The following PRKCA variants were observed in gnomAD, a reference collection of about 807,000 sequenced individuals.
PRKCA encodes the protein protein kinase C alpha type.
In PRKCA, 27 loss-of-function variants were observed where a neutral mutation model predicts 87.0. The ratio of observed to expected loss-of-function variants is 0.31; its 90% CI spans 0.23 to 0.43. PRKCA has a LOEUF of 0.43. PRKCA is among the 20% of genes least tolerant of loss of function. The pLI is 1.00. For missense variants in PRKCA, 518 were observed against 852.3 expected (o/e 0.61, Z 4.88); for synonymous variants, 329 against 311.1 (o/e 1.06, Z -0.61).
At chr17:66,756,201 G>A (rs955204692) in intron 13 of PRKCA, among the ~76,000 whole-genome samples, 2 of 152,170 alleles carry the variant, frequency 1.3e-5, no homozygotes, top group Admixed American at 6.5e-5. Flanking sequence ...AAATATGCCA[G>A]AGCATCCCGT....
intron 3 of PRKCA, among the ~76,000 whole-genome samples, chr17:66,529,459 A>G (rs1178548769): frequency 6.6e-6 from 1 of 152,146 alleles, no homozygotes; most frequent in Non-Finnish European, 1.5e-5. Context: ...TCATGAAGCC[A>G]CTGGTAAGGG....
intron 3 of PRKCA, among the ~76,000 whole-genome samples, chr17:66,536,386 C>A (rs1327914591): frequency 6.6e-6 from 1 of 152,166 alleles, no homozygotes; most frequent in Non-Finnish European, 1.5e-5. Context: ...CCACAGAAAA[C>A]ACACAAGATT....
At chr17:66,538,725 T>C (rs1967875820) in intron 3 of PRKCA, among the ~76,000 whole-genome samples, 1 of 152,208 alleles carries the variant, frequency 6.6e-6, no homozygotes, top group African/African-American at 2.4e-5. Context: ...GTTCCAGTGA[T>C]GGGCATTAGT....
intron 3 of PRKCA, among the ~76,000 whole-genome samples, chr17:66,554,211 G>T (rs1053310302): frequency 2.6e-5 from 4 of 151,130 alleles, no homozygotes; most frequent in African/African-American, 4.9e-5. Context: ...AGACCAGCTT[G>T]GGCAACATCG....
intron 2 of PRKCA, among the ~76,000 whole-genome samples, chr17:66,386,572 G>A (rs1488954112): frequency 6.6e-6 from 1 of 152,176 alleles, no homozygotes; most frequent in Non-Finnish European, 1.5e-5. Flanking sequence ...CCAGAATAAT[G>A]CCTGGGACAC....
intron 3 of PRKCA, among the ~76,000 whole-genome samples, chr17:66,542,239 T>G (rs1208223962): frequency 6.6e-6 from 1 of 152,244 alleles, no homozygotes; most frequent in Non-Finnish European, 1.5e-5. Context: ...TTTCTTTCTT[T>G]ATGCTTAGGA....
chr17:66,619,222 G>A (rs914992875), intron 3 of PRKCA, among the ~76,000 whole-genome samples: 5 of 152,162 alleles, frequency 3.3e-5, no homozygotes, highest in African/African-American at 7.2e-5. Flanking sequence ...GATTATGGGC[G>A]TCAGAGCTGT....
chr17:66,781,868 G>GAGATATATAT (rs1491546533), intron 14 of PRKCA, among the ~76,000 whole-genome samples: 2 of 99,324 alleles, frequency 2.0e-5, no homozygotes, highest in African/African-American at 7.6e-5. Context: ...GAGAGAGAGA[G>GAGATATATAT]ATATATATAT....
At chr17:66,798,420 T>TGGTGGTGAC (rs1568040795) in intron 16 of PRKCA, among the ~76,000 whole-genome samples, 1 of 127,022 alleles carries the variant, frequency 7.9e-6, no homozygotes, top group African/African-American at 3.3e-5. Context: ...GTGATGGTGG[T>TGGTGGTGAC]GGTGGTGGTG....
At chr17:66,777,940 T>C in intron 14 of PRKCA, 1 of 985,388 alleles carries the variant, frequency 1.0e-6, no homozygotes, top group South Asian at 4.7e-5. Context: ...AGGGGAGAAC[T>C]CAGGGAATGC....
intron 2 of PRKCA, among the ~76,000 whole-genome samples, chr17:66,391,737 G>A (rs922172187): frequency 1.3e-5 from 2 of 152,132 alleles, no homozygotes; most frequent in Admixed American, 6.5e-5. Context: ...AAAGTACAGA[G>A]CAATGAACAC....
At chr17:66,328,644 G>A (rs1185806485) in intron 2 of PRKCA, among the ~76,000 whole-genome samples, 2 of 151,820 alleles carry the variant, frequency 1.3e-5, no homozygotes, top group Admixed American at 6.6e-5. Context: ...CTAAAAATAC[G>A]AAAATTAGCC....
At chr17:66,657,548 T>C (rs1233216456) in intron 5 of PRKCA, among the ~76,000 whole-genome samples, 1 of 152,162 alleles carries the variant, frequency 6.6e-6, no homozygotes, top group East Asian at 1.9e-4. Context: ...GTTAAGTCAC[T>C]CAGCTGGGAG....
chr17:66,794,742 T>C (rs1247474895), intron 16 of PRKCA, among the ~76,000 whole-genome samples: 1 of 151,514 alleles, frequency 6.6e-6, no homozygotes, highest in East Asian at 2.0e-4. Context: ...TGCCTCAGCC[T>C]CCTGAGTAGC....
intron 3 of PRKCA, among the ~76,000 whole-genome samples, chr17:66,560,521 A>G (rs1015356052): frequency 2.6e-5 from 4 of 151,950 alleles, no homozygotes; most frequent in Non-Finnish European, 5.9e-5. Flanking sequence ...TTGGGGGAAG[A>G]ATACCACCAA....
intron 3 of PRKCA, among the ~76,000 whole-genome samples, chr17:66,626,463 GC>G (rs1205382363): frequency 6.6e-6 from 1 of 150,672 alleles, no homozygotes; most frequent in Non-Finnish European, 1.5e-5. Flanking sequence ...CTGGGTTCAT[GC>G]CATTCTCCTG....
At chr17:66,434,670 T>A (rs546690199) in intron 2 of PRKCA, among the ~76,000 whole-genome samples, 2 of 152,292 alleles carry the variant, frequency 1.3e-5, no homozygotes, top group South Asian at 4.1e-4. Context: ...TTTCCCCGAA[T>A]GTGGCCTTGG....
At chr17:66,744,463 A>G (rs1974228830) in intron 13 of PRKCA, among the ~76,000 whole-genome samples, 2 of 152,192 alleles carry the variant, frequency 1.3e-5, no homozygotes, top group African/African-American at 2.4e-5. Flanking sequence ...TTTTTTAGGA[A>G]TAAAGGTGGC....
chr17:66,668,329 C>T (rs558514619), intron 5 of PRKCA, among the ~76,000 whole-genome samples: 6 of 152,256 alleles, frequency 3.9e-5, no homozygotes, highest in South Asian at 2.1e-4. Context: ...GCTCTGCAAG[C>T]GAAGTATAGT....
Sources: allele counts gnomAD v4.1 joint callset (sites outside exome capture counted in the v4.1 genomes callset), GRCh38; gene constraint gnomAD v4.1.1; transcripts MANE v1.5; gene names NCBI Gene and HGNC (gene_info 2026-07-23, HGNC 2026-07-21).